AHCY: variants seen among roughly 807,000 people sequenced by gnomAD.
The protein encoded by AHCY is S-adenosyl-L-homocysteine hydrolase.
In AHCY, 24 loss-of-function variants were observed where a neutral mutation model predicts 45.4. The ratio of observed to expected loss-of-function variants is 0.53; its 90% CI spans 0.38 to 0.74. AHCY has a LOEUF of 0.74. Among genes scored for constraint, AHCY ranks in the 30% least tolerant of loss-of-function variants. The pLI, the probability that AHCY is intolerant of heterozygous loss-of-function variation, is 0.00. For synonymous variants in AHCY, 245 were observed against 235.1 expected (o/e 1.04, Z -0.39); for missense variants, 449 against 594.1 (o/e 0.76, Z 2.54).
chr20:34,296,322 A>G lies in AHCY; in HGVS notation c.29-737T>C, dbSNP rs555824684. Among the ~76,000 whole-genome samples the G allele has an allele frequency of 4.6e-5, 7 of 152,250 alleles. No individual in the cohort carries two copies. The South Asian group carries it at 1.5e-3, about 32-fold the overall frequency. ...CCTACCCTGGCCCACCTTGCCTGCA[A>G]CTGATTGGGTAACTGCTGAATCTGG... is the stretch of plus-strand genomic sequence containing the variant. On this transcript the variant is annotated intron_variant, in intron 1 of 9. Coordinates refer to ENST00000217426, the MANE Select transcript of AHCY (RefSeq NM_000687.4).
chr20:34,252,936 T>C, the AHCY span, among the ~76,000 whole-genome samples: 1 of 152,180 alleles, frequency 6.6e-6, no homozygotes, highest in African/African-American at 2.4e-5. Context: ...CCTAAATCCA[T>C]TAAACTTTGA....
intron 4 of AHCY, 124 bp from the exon 5 acceptor site, chr20:34,291,655 GC>G (rs1346808846): frequency 3.4e-6 from 3 of 891,722 alleles, no homozygotes; most frequent in South Asian, 1.4e-5. Flanking sequence ...GATCCCACAG[GC>G]CCCCCAATCA....
At chr20:34,259,830 C>G in the AHCY span, among the ~76,000 whole-genome samples, 1 of 152,050 alleles carries the variant, frequency 6.6e-6, no homozygotes, top group Non-Finnish European at 1.5e-5. Context: ...CCTCCTGACA[C>G]AAACTATACC....
chr20:34,257,384 G>A, the AHCY span, among the ~76,000 whole-genome samples: 2 of 152,068 alleles, frequency 1.3e-5, no homozygotes, highest in African/African-American at 4.8e-5. Flanking sequence ...CAGCCCAGCC[G>A]GGTTGAATTT....
At chr20:34,242,771 T>TAAAG in the AHCY span, among the ~76,000 whole-genome samples, 1 of 152,258 alleles carries the variant, frequency 6.6e-6, no homozygotes, top group Non-Finnish European at 1.5e-5. Flanking sequence ...TCAAAGCCTC[T>TAAAG]TCCCTCCTTC....
At chr20:34,289,381 G>A (rs756598195) in intron 8 of AHCY, among the ~76,000 whole-genome samples, 4 of 149,878 alleles carry the variant, frequency 2.7e-5, no homozygotes, top group Non-Finnish European at 5.9e-5. Context: ...CACTATGTTG[G>A]CCAGACTGGT....
chr20:34,236,405 A>G, the AHCY span, among the ~76,000 whole-genome samples: 2 of 152,118 alleles, frequency 1.3e-5, no homozygotes, highest in African/African-American at 4.8e-5. Context: ...TTAGCCAGGC[A>G]TGGTGGTGCG....
chr20:34,260,532 T>C, the AHCY span: 1 of 1,609,514 alleles, frequency 6.2e-7, no homozygotes, highest in Non-Finnish European at 8.5e-7. Flanking sequence ...GTCTCTATTG[T>C]GGGTAAGTCA....
chr20:34,293,912 T>C (rs1455107060), intron 3 of AHCY, 169 bp downstream of exon 3: 1 of 725,052 alleles, frequency 1.4e-6, no homozygotes, highest in East Asian at 2.7e-5. Flanking sequence ...TTTTAGATGA[T>C]GATGGGACAA....
chr20:34,296,866 TGTCA>T (rs1333633335), intron 1 of AHCY, among the ~76,000 whole-genome samples: 1 of 152,206 alleles, frequency 6.6e-6, no homozygotes, highest in Non-Finnish European at 1.5e-5. Flanking sequence ...TAAAATTGTC[TGTCA>T]GTCAGCTTCC....
At chr20:34,236,820 T>G in the AHCY span, among the ~76,000 whole-genome samples, 7 of 152,204 alleles carry the variant, frequency 4.6e-5, no homozygotes, top group South Asian at 1.5e-3. Flanking sequence ...CTTCTTGAGT[T>G]TTATAGTTTC....
At chr20:34,275,749 C>T (rs1601627815), downstream of AHCY, among the ~76,000 whole-genome samples, 2 of 151,156 alleles carry the variant, frequency 1.3e-5, no homozygotes, top group East Asian at 3.9e-4. Context: ...GTGATCTCAA[C>T]TCACTCTAAC....
intron 1 of AHCY, among the ~76,000 whole-genome samples, chr20:34,299,954 G>A (rs971539758): frequency 6.6e-6 from 1 of 152,184 alleles, no homozygotes; most frequent in Admixed American, 6.5e-5. Flanking sequence ...GGAGGCCAAG[G>A]TGGGCGGATC....
At chr20:34,301,634 CATCCCCAA>C (rs1239041343) in intron 1 of AHCY, 1 of 209,512 alleles carries the variant, frequency 4.8e-6, no homozygotes. Flanking sequence ...CTAAGCTCCC[CATCCCCAA>C]ATCCAGCTTT....
At chr20:34,246,611 C>G in the AHCY span, 1 of 653,662 alleles carries the variant, frequency 1.5e-6, no homozygotes, top group African/African-American at 1.8e-5. Context: ...CACATGCCAC[C>G]ATGCCTGACT....
In AHCY at chr20:34,298,613, G is replaced by C. The variant is rs970153513; in HGVS notation, c.29-3028C>G. Among the ~76,000 whole-genome samples the C allele has an allele frequency of 2.9e-4, 44 of 149,374 alleles. 2 individuals are homozygous for C. The highest frequency in any genetic ancestry group is 7.5e-4 in the African/African-American group (31 of 41,174). ...CTGGGAAGTGGCGGCGGCGGGAGGG[G>C]GGGGGGTGTCTCCCTTTCCCCAGGG... On this transcript the variant is annotated intron_variant, in intron 1 of 9. Transcript: ENST00000217426.
chr20:34,271,981 A>T, the AHCY span, among the ~76,000 whole-genome samples: 1 of 151,878 alleles, frequency 6.6e-6, no homozygotes, highest in Non-Finnish European at 1.5e-5. Context: ...AGAGAAAAAA[A>T]GGTAGAGGGT....
the AHCY span, among the ~76,000 whole-genome samples, chr20:34,267,579 T>C: frequency 6.6e-6 from 1 of 151,768 alleles, no homozygotes. Flanking sequence ...TTGCCCAGGC[T>C]GGAGTGCAAT....
At chr20:34,307,480 C>A (rs1168421541), upstream of AHCY, among the ~76,000 whole-genome samples, 1 of 152,206 alleles carries the variant, frequency 6.6e-6, no homozygotes, top group Admixed American at 6.5e-5. Flanking sequence ...TCAAGCAATT[C>A]TCATGCCTCA....
Sources: allele counts gnomAD v4.1 joint callset (sites outside exome capture counted in the v4.1 genomes callset), GRCh38; gene constraint gnomAD v4.1.1; transcripts MANE v1.5; gene names NCBI Gene and HGNC (gene_info 2026-07-23, HGNC 2026-07-21).